Variants in ATF1 observed in about 807,000 individuals in gnomAD.
ATF1 encodes the protein activating transcription factor 1.
A neutral mutation model predicts 34.7 loss-of-function variants in ATF1; 16 were observed. The ratio of observed to expected loss-of-function variants is 0.46; its 90% CI spans 0.31 to 0.70. The LOEUF (loss-of-function observed/expected upper bound fraction) is 0.70. Ranked by LOEUF, ATF1 falls within the 30% of genes least tolerant of loss-of-function variation. The probability of loss-of-function intolerance (pLI) is 0.05; values close to 1 mark genes in which losing one functional copy is unlikely to be tolerated. For synonymous variants in ATF1, 105 were observed against 113.1 expected (o/e 0.93, Z 0.46); for missense variants, 255 against 321.6 (o/e 0.79, Z 1.58).
At chr12:50,819,335 A>AATC (rs1448855661) in intron 6 of ATF1, among the ~76,000 whole-genome samples, 1 of 152,182 alleles carries the variant, frequency 6.6e-6, no homozygotes, top group African/African-American at 2.4e-5. Context: ...GAAAAAAACT[A>AATC]ATCTCTGGTG....
At chr12:50,769,227 G>A (rs1320077429) in intron 1 of ATF1, among the ~76,000 whole-genome samples, 1 of 152,128 alleles carries the variant, frequency 6.6e-6, no homozygotes, top group South Asian at 2.1e-4. Context: ...TAAGTTGGCC[G>A]GGCACAGTGG....
intron 2 of ATF1, among the ~76,000 whole-genome samples, chr12:50,788,987 C>T (rs1389771167): frequency 6.6e-6 from 1 of 152,098 alleles, no homozygotes; most frequent in Non-Finnish European, 1.5e-5. Context: ...GGAGGAAATA[C>T]ATGTGTTAGA....
chr12:50,772,318 C>CTTTTTT (rs71086475), intron 1 of ATF1, among the ~76,000 whole-genome samples: 7 of 116,030 alleles, frequency 6.0e-5, no homozygotes, highest in Admixed American at 9.0e-5. Flanking sequence ...TGCTCCATTC[C>CTTTTTT]TTTTTTTTTT....
At chr12:50,773,812 G>A (rs1940842744) in intron 1 of ATF1, among the ~76,000 whole-genome samples, 1 of 151,610 alleles carries the variant, frequency 6.6e-6, no homozygotes. Flanking sequence ...CTGGTCTCAA[G>A]CTCCTGACCT....
intron 6 of ATF1, among the ~76,000 whole-genome samples, chr12:50,818,572 C>T (rs1405659273): frequency 6.6e-6 from 1 of 152,126 alleles, no homozygotes; most frequent in Non-Finnish European, 1.5e-5. Flanking sequence ...ATAGTATCTA[C>T]ATATATAGCA....
At chr12:50,800,275 T>C (rs1941487117) in intron 3 of ATF1, among the ~76,000 whole-genome samples, 2 of 152,188 alleles carry the variant, frequency 1.3e-5, no homozygotes, top group Admixed American at 1.3e-4. Flanking sequence ...ACTGAAAACA[T>C]CCTTCAGACT....
At chr12:50,804,634 G>A (rs1047360967) in intron 3 of ATF1, among the ~76,000 whole-genome samples, 2 of 152,140 alleles carry the variant, frequency 1.3e-5, no homozygotes, top group Non-Finnish European at 2.9e-5. Flanking sequence ...GTGGGTGACA[G>A]CAAGACCCTA....
chr12:50,774,834 G>A (rs57602501), intron 1 of ATF1, among the ~76,000 whole-genome samples: 38,147 of 149,168 alleles, frequency 0.26, 5,435 homozygotes, highest in Non-Finnish European at 0.32. Flanking sequence ...TGCAAGCTCC[G>A]CCTCCCGGGT....
chr12:50,773,779 G>T (rs1204043503), intron 1 of ATF1, among the ~76,000 whole-genome samples: 1 of 151,904 alleles, frequency 6.6e-6, no homozygotes, highest in Non-Finnish European at 1.5e-5. Flanking sequence ...TAGTAGAAAT[G>T]GGGTTTTGCC....
intron 2 of ATF1, among the ~76,000 whole-genome samples, chr12:50,786,690 C>T (rs74089754): frequency 0.01 from 1,530 of 152,232 alleles, 34 homozygotes; most frequent in African/African-American, 0.035. Flanking sequence ...CCTGAGGGAA[C>T]GGCAGGAAAC....
At chr12:50,804,740 A>G (rs1287534644) in intron 3 of ATF1, among the ~76,000 whole-genome samples, 2 of 152,180 alleles carry the variant, frequency 1.3e-5, no homozygotes, top group African/African-American at 4.8e-5. Flanking sequence ...ATACATTAGA[A>G]CTTACAGTCA....
chr12:50,810,125 G>A lies in ATF1; in HGVS notation c.328+536G>A, dbSNP rs915960588. ...TGGGATTATAGACATGAGCCACTGC[G>A]CCTGGCCTTATTTTGTTCATTCTTA... On this transcript the variant is annotated intron_variant, in intron 4 of 6. Coordinates refer to ENST00000262053, the MANE Select transcript of ATF1 (RefSeq NM_005171.5). Among the ~76,000 whole-genome samples, 12 of 151,802 alleles carry A rather than the reference G, an allele frequency of 7.9e-5. No homozygotes were observed. The South Asian group carries it at 2.1e-3, about 26-fold the overall frequency.
intron 4 of ATF1, 137 bp from the exon 5 acceptor site, chr12:50,813,873 G>A: frequency 1.3e-6 from 1 of 765,860 alleles, no homozygotes. Flanking sequence ...TTCACCTAAA[G>A]TAAAGTAGTC....
chr12:50,776,612 TA>T (rs1345680551), intron 1 of ATF1, among the ~76,000 whole-genome samples: 5 of 152,080 alleles, frequency 3.3e-5, no homozygotes, highest in Non-Finnish European at 7.4e-5. Context: ...AAACAATGTA[TA>T]TTTTTTACCT....
intron 3 of ATF1, among the ~76,000 whole-genome samples, chr12:50,800,750 TTG>T (rs995827776): frequency 1.3e-5 from 2 of 152,078 alleles, no homozygotes; most frequent in Non-Finnish European, 2.9e-5. Context: ...CATGGAAAAA[TTG>T]TCTTCCACGA....
chr12:50,814,455 G>A lies in ATF1; in HGVS notation c.671+16G>A, dbSNP rs201826197. On this transcript the variant is annotated intron_variant, in intron 6 of 6. Coordinates refer to ENST00000262053, the MANE Select transcript of ATF1 (RefSeq NM_005171.5). ...TGAAAAACAGGTAGGTAGTAAAATC[G>A]TAGTACCAGAATGGGTAATGTTTTT... The A allele has an allele frequency of 1.2e-5, 19 of 1,610,024 alleles. No homozygotes were observed. Among genetic ancestry groups the A allele is most frequent in the East Asian group, 4.5e-5 (2 of 44,848 alleles).
chr12:50,795,934 A>C lies in ATF1; in HGVS notation c.119A>C (p.Glu40Ala). 2.5e-6 allele frequency: 4 copies of C among 1,612,738 alleles called. No homozygotes were observed. The highest frequency in any genetic ancestry group is 3.4e-6 in the Non-Finnish European group (4 of 1,179,602). The change falls in exon 3 of 7, where the codon GAG (glutamate) becomes GCG (alanine). Residue 40 changes from glutamate to alanine, a missense_variant. By Grantham distance (107) the Glu-to-Ala change is moderately radical (BLOSUM62 -1). Around this residue, in one of 2 missense-constraint regions of ATF1, gnomAD observed 221 missense variants for 250.7 expected, o/e 0.88. Transcript: ENST00000262053. ...QQVSSLSESE[E>A]SQDSSDSIGS... is the part of the protein sequence containing the mutation. Reference sequence around the variant, plus strand: ...GTATCATCTTTATCAGAAAGTGAGGAGTCCCAGGACTCATCCGACAGCATA... The same window carrying C: ...GTATCATCTTTATCAGAAAGTGAGGCGTCCCAGGACTCATCCGACAGCATA...
At chr12:50,819,577 T>G (rs1027452895) in intron 6 of ATF1, 58 bp from the exon 7 acceptor site, 6 of 1,573,204 alleles carry the variant, frequency 3.8e-6, no homozygotes, top group Non-Finnish European at 5.2e-6. Flanking sequence ...GAAGAACATT[T>G]ACCATTTAAA....
chr12:50,775,650 A>G (rs989182460), intron 1 of ATF1: 1 of 152,556 alleles, frequency 6.6e-6, no homozygotes, highest in African/African-American at 2.4e-5. Flanking sequence ...TATGGAGGGA[A>G]AAAAATCAGT....
Sources: allele counts gnomAD v4.1 joint callset (sites outside exome capture counted in the v4.1 genomes callset), GRCh38; gene constraint gnomAD v4.1.1; regional missense constraint gnomAD v4.1.1; transcripts MANE v1.5; gene names NCBI Gene and HGNC (gene_info 2026-07-23, HGNC 2026-07-21).